The following SLC8A1 variants were observed in gnomAD, a reference collection of about 807,000 sequenced individuals.
SLC8A1 encodes the protein solute carrier family 8 member A1.
Under a neutral mutation model 68.3 loss-of-function variants are expected in SLC8A1, and 18 were observed. The observed-to-expected ratio is 0.26, with a 90% CI of 0.18 to 0.39. The LOEUF is 0.39. SLC8A1 is among the 10% of genes least tolerant of loss of function. SLC8A1 has a pLI of 1.00. For synonymous variants in SLC8A1, 475 were observed against 415.5 expected, an observed-to-expected ratio of 1.14 and a Z score of -1.74; for missense variants, 985 against 1,156.7, an observed-to-expected ratio of 0.85 and a Z score of 2.15.
Position 40,342,695 on chromosome 2 carries a change from T to C in SLC8A1, c.1808+85778A>G, listed in dbSNP as rs76673631. Among the ~76,000 whole-genome samples, 1,229 of 152,286 alleles carry C rather than the reference T, an allele frequency of 8.1e-3. 14 individuals carry two copies. Among genetic ancestry groups the C allele is most frequent in the African/African-American group, 0.028 (1,184 of 41,566 alleles). On this transcript the variant is annotated intron_variant, in intron 2 of 7. Transcript: ENST00000406785. Reference sequence around the variant, plus strand: ...CTTCTAATAATTGGAATATACACTATTGCAATTGTATTCAACGATACTAAA... The same window carrying C: ...CTTCTAATAATTGGAATATACACTACTGCAATTGTATTCAACGATACTAAA...
chr2:40,274,339 A>G (rs996490749), intron 2 of SLC8A1, among the ~76,000 whole-genome samples: 1 of 151,978 alleles, frequency 6.6e-6, no homozygotes, highest in African/African-American at 2.4e-5. Context: ...GGGATTAAAA[A>G]TAATCTAATA....
At chr2:40,326,425 C>T (rs1419325949) in intron 2 of SLC8A1, among the ~76,000 whole-genome samples, 2 of 150,602 alleles carry the variant, frequency 1.3e-5, no homozygotes, top group East Asian at 3.9e-4. Context: ...TTGAAAGGCT[C>T]CAATAAGCAG....
At chr2:40,141,213 T>C (rs1457302900) in intron 6 of SLC8A1, among the ~76,000 whole-genome samples, 2 of 152,148 alleles carry the variant, frequency 1.3e-5, no homozygotes, top group Non-Finnish European at 2.9e-5. Flanking sequence ...GGAGCACACA[T>C]GTATGGTCTT....
At chr2:40,340,427 G>A (rs2149405325) in intron 2 of SLC8A1, among the ~76,000 whole-genome samples, 1 of 152,308 alleles carries the variant, frequency 6.6e-6, no homozygotes, top group Admixed American at 6.5e-5. Context: ...TGGGCATGGT[G>A]GCAGGCACCT....
At chr2:40,124,374 G>A (rs965735779) in intron 7 of SLC8A1, among the ~76,000 whole-genome samples, 1 of 152,162 alleles carries the variant, frequency 6.6e-6, no homozygotes, top group Non-Finnish European at 1.5e-5. Flanking sequence ...GCTGCTTTGT[G>A]TATTATCAGT....
intron 2 of SLC8A1, among the ~76,000 whole-genome samples, chr2:40,225,994 G>A (rs2058929083): frequency 6.6e-6 from 1 of 152,152 alleles, no homozygotes; most frequent in Non-Finnish European, 1.5e-5. Context: ...AAGTAAATAA[G>A]ATGGTAAACA....
At chr2:40,177,673 G>C (rs1288749026) in intron 3 of SLC8A1, 3 of 853,838 alleles carry the variant, frequency 3.5e-6, no homozygotes, top group African/African-American at 3.4e-5. Flanking sequence ...GAAGAGGAGA[G>C]AGTTAAGTGT....
intron 2 of SLC8A1, among the ~76,000 whole-genome samples, chr2:40,381,562 T>C (rs1442142142): frequency 6.6e-6 from 1 of 151,956 alleles, no homozygotes; most frequent in Admixed American, 6.6e-5. Flanking sequence ...GCCCCATTCT[T>C]CCCATCTCCA....
intron 2 of SLC8A1, among the ~76,000 whole-genome samples, chr2:40,269,867 A>G (rs6738455): frequency 0.038 from 5,760 of 152,166 alleles, 394 homozygotes; most frequent in African/African-American, 0.13. Flanking sequence ...ACATATGTAT[A>G]TAGCACAAAG....
chr2:40,407,094 T>A (rs1415675751), intron 2 of SLC8A1, among the ~76,000 whole-genome samples: 1 of 151,926 alleles, frequency 6.6e-6, no homozygotes, highest in Non-Finnish European at 1.5e-5. Context: ...TGAGAGGGAG[T>A]CTCACTCTGT....
intron 1 of SLC8A1, among the ~76,000 whole-genome samples, chr2:40,460,361 T>C (rs572508096): frequency 1.3e-5 from 2 of 152,310 alleles, no homozygotes; most frequent in Non-Finnish European, 2.9e-5. Context: ...GAATAAATGA[T>C]GCAATTTAAT....
intron 2 of SLC8A1, among the ~76,000 whole-genome samples, chr2:40,317,512 T>C (rs1368532277): frequency 6.6e-6 from 1 of 152,114 alleles, no homozygotes; most frequent in Admixed American, 6.6e-5. Flanking sequence ...TGATTAATTA[T>C]AGGCTCACTT....
chr2:40,112,054 A>T (rs2034591010), exon 8 of SLC8A1: 1 of 152,246 alleles, frequency 6.6e-6, no homozygotes, highest in South Asian at 2.1e-4. Context: ...TTAAAAAGAG[A>T]ACATTGCATG....
At chr2:40,149,331 A>C (rs1243026642) in intron 6 of SLC8A1, among the ~76,000 whole-genome samples, 1 of 152,212 alleles carries the variant, frequency 6.6e-6, no homozygotes. Context: ...TAGAATTTCC[A>C]TTCTGGCAAG....
chr2:40,163,122 G>A (rs519147), intron 5 of SLC8A1, among the ~76,000 whole-genome samples: 18,130 of 152,094 alleles, frequency 0.12, 1,215 homozygotes, highest in Admixed American at 0.19. Context: ...ACAAAGATAA[G>A]TACCCCAAAC....
At chr2:40,375,721 G>T (rs189314905) in intron 2 of SLC8A1, among the ~76,000 whole-genome samples, 1 of 152,080 alleles carries the variant, frequency 6.6e-6, no homozygotes, top group African/African-American at 2.4e-5. Flanking sequence ...TATATGCTTA[G>T]GCTGGGAGTG....
intron 1 of SLC8A1, among the ~76,000 whole-genome samples, chr2:40,511,981 C>T (rs983171524): frequency 6.6e-6 from 1 of 152,120 alleles, no homozygotes; most frequent in African/African-American, 2.4e-5. Context: ...TCCCACCTAC[C>T]CTAGCCTAAA....
intron 2 of SLC8A1, among the ~76,000 whole-genome samples, chr2:40,395,136 G>A (rs1337934853): frequency 1.3e-5 from 2 of 152,084 alleles, no homozygotes; most frequent in East Asian, 1.9e-4. Flanking sequence ...TACTTCTGAG[G>A]GTAGGGGAAC....
At chr2:40,449,362 T>A (rs1559727183) in intron 1 of SLC8A1, among the ~76,000 whole-genome samples, 2 of 152,212 alleles carry the variant, frequency 1.3e-5, no homozygotes, top group Non-Finnish European at 2.9e-5. Flanking sequence ...AGAGGAATCA[T>A]GTGTTTATTT....
Sources: allele counts gnomAD v4.1 joint callset (sites outside exome capture counted in the v4.1 genomes callset), GRCh38; gene constraint gnomAD v4.1.1; transcripts MANE v1.5; gene names NCBI Gene and HGNC (gene_info 2026-07-23, HGNC 2026-07-21).